STK32B: variants seen among roughly 807,000 people sequenced by gnomAD.
STK32B encodes the protein serine/threonine kinase 32B, also known as serine/threonine-protein kinase 32B.
Under a neutral mutation model 52.6 loss-of-function variants are expected in STK32B, and 43 were observed. The ratio of observed to expected loss-of-function variants is 0.82; its 90% CI spans 0.64 to 1.05. The LOEUF (loss-of-function observed/expected upper bound fraction) is 1.05. STK32B is among the 50% of genes least tolerant of loss of function. The pLI, the probability that STK32B is intolerant of heterozygous loss-of-function variation, is 0.00. For synonymous variants in STK32B, 238 were observed against 204.3 expected, an observed-to-expected ratio of 1.17 and a Z score of -1.41; for missense variants, 621 against 534.6, an observed-to-expected ratio of 1.16 and a Z score of -1.59.
intron 3 of STK32B, among the ~76,000 whole-genome samples, chr4:5,230,988 C>G (rs1286096797): frequency 2.0e-5 from 3 of 152,216 alleles, no homozygotes; most frequent in Non-Finnish European, 4.4e-5. Flanking sequence ...CTTCTGCAGA[C>G]AGTGACAAGG....
intron 2 of STK32B, among the ~76,000 whole-genome samples, chr4:5,143,203 A>G (rs16836711): frequency 0.065 from 9,927 of 152,202 alleles, 1,099 homozygotes; most frequent in African/African-American, 0.22. Context: ...ACATGGCACA[A>G]TAGTGGGACA....
chr4:5,331,190 C>A, intron 3 of STK32B, 30 bp from the exon 4 acceptor site: 1 of 1,584,336 alleles, frequency 6.3e-7, no homozygotes. Context: ...GCCTCCACCC[C>A]TAATCTTCTC....
intron 3 of STK32B, among the ~76,000 whole-genome samples, chr4:5,186,712 A>G (rs1720766057): frequency 6.6e-6 from 1 of 152,128 alleles, no homozygotes; most frequent in South Asian, 2.1e-4. Context: ...ATCAGTCTCC[A>G]GCGCCTCCTC....
rs112791339 is a variant in STK32B at position 5,182,284 on chromosome 4, A to G, written c.260+13834A>G. 2.4e-3 allele frequency among the ~76,000 whole-genome samples: 367 copies of G among 152,154 alleles called. 1 individual carries two copies. Among genetic ancestry groups the G allele is most frequent in the Middle Eastern group, 0.024 (7 of 294 alleles). On this transcript the variant is annotated intron_variant, in intron 3 of 11. Coordinates refer to ENST00000282908, the MANE Select transcript of STK32B (RefSeq NM_018401.3). ...CAAAGTCACCCCTGAAGGTTGAGTA[A>G]ATTTCTTCTAAACTCCTGTTAATGG...
At chr4:5,131,983 AG>A (rs749560213) in intron 1 of STK32B, among the ~76,000 whole-genome samples, 29 of 152,210 alleles carry the variant, frequency 1.9e-4, no homozygotes, top group Non-Finnish European at 4.1e-4. Context: ...TGGATTGTAC[AG>A]GTAGCCTTTA....
intron 3 of STK32B, among the ~76,000 whole-genome samples, chr4:5,176,627 A>G (rs1415975302): frequency 6.6e-6 from 1 of 151,930 alleles, no homozygotes; most frequent in African/African-American, 2.4e-5. Context: ...TGTTCTTAGT[A>G]AAGACAGGAT....
chr4:5,495,693 C>T (rs1402273143), intron 11 of STK32B, among the ~76,000 whole-genome samples: 3 of 152,074 alleles, frequency 2.0e-5, no homozygotes, highest in Non-Finnish European at 4.4e-5. Context: ...TGTTTTTTCC[C>T]CATCTTTGTG....
intron 1 of STK32B, among the ~76,000 whole-genome samples, chr4:5,100,382 C>G (rs1713662451): frequency 8.0e-6 from 1 of 124,960 alleles, no homozygotes; most frequent in Non-Finnish European, 1.6e-5. Context: ...TTGCCTTCTT[C>G]TTCCTTCCTT....
In STK32B at chr4:5,340,649, C is replaced by CAG. The variant is rs1484649829; in HGVS notation, c.434+9259_434+9260dup. Among the ~76,000 whole-genome samples the CAG allele has an allele frequency of 7.2e-5, 11 of 152,244 alleles. No homozygotes were observed. The South Asian group carries it at 2.3e-3, about 32-fold the overall frequency. The stretch of plus-strand genomic sequence containing the variant: ...AGGCAGGATTCCTTGGCTAGGTATC[C>CAG]AGAGTATACAAAACTAAATAAATAA... On this transcript the variant is annotated intron_variant, in intron 4 of 11. Coordinates refer to ENST00000282908, the MANE Select transcript of STK32B (RefSeq NM_018401.3).
intron 3 of STK32B, among the ~76,000 whole-genome samples, chr4:5,285,138 C>T (rs1728464485): frequency 6.6e-6 from 1 of 152,138 alleles, no homozygotes; most frequent in Admixed American, 6.5e-5. Flanking sequence ...TGTAAGATTA[C>T]AGTACATAAT....
Position 5,317,177 on chromosome 4 carries a change from A to ATATT in STK32B, c.261-14043_261-14042insTATT, listed in dbSNP as rs1553871612. ...TACATATTACATATATATAACATAT[A>ATATT]ATATATATATATAACATATATATAT... is the stretch of plus-strand genomic sequence containing the variant. On this transcript the variant is annotated intron_variant, in intron 3 of 11. Coordinates refer to ENST00000282908, the MANE Select transcript of STK32B (RefSeq NM_018401.3). Among the ~76,000 whole-genome samples, 35 of 46,532 alleles carry ATATT rather than the reference A, an allele frequency of 7.5e-4. 4 individuals carry two copies. In the African/African-American group the frequency reaches 8.6e-3, roughly 11 times the overall value. 30.5% of individuals were successfully genotyped at this position (46,532 alleles called of 152,430 possible).
At chr4:5,412,485 C>T (rs1445666441) in intron 5 of STK32B, among the ~76,000 whole-genome samples, 1 of 152,162 alleles carries the variant, frequency 6.6e-6, no homozygotes, top group East Asian at 1.9e-4. Flanking sequence ...TGGGTGGAAG[C>T]AGCATGTCTG....
At chr4:5,432,595 G>A (rs1296547180) in intron 6 of STK32B, among the ~76,000 whole-genome samples, 1 of 148,206 alleles carries the variant, frequency 6.7e-6, no homozygotes, top group Non-Finnish European at 1.5e-5. Context: ...GAAAAGCAGG[G>A]TAAAGTCATT....
intron 3 of STK32B, among the ~76,000 whole-genome samples, chr4:5,269,903 A>G (rs75741577): frequency 9.6e-6 from 1 of 104,326 alleles, no homozygotes; most frequent in Admixed American, 8.4e-5. Flanking sequence ...TTCAACAATA[A>G]TAAAAGAATA....
intron 1 of STK32B, among the ~76,000 whole-genome samples, chr4:5,094,298 A>G (rs932257013): frequency 6.6e-6 from 1 of 152,202 alleles, no homozygotes; most frequent in African/African-American, 2.4e-5. Flanking sequence ...TAAAAATGTC[A>G]AGTTAACAGA....
chr4:5,313,107 GTTTT>G (rs1730418967), intron 3 of STK32B, among the ~76,000 whole-genome samples: 1 of 143,444 alleles, frequency 7.0e-6, no homozygotes, highest in African/African-American at 2.8e-5. Context: ...AGTAATTGTG[GTTTT>G]TAAAAACCAC....
At chr4:5,110,347 G>T (rs530165591) in intron 1 of STK32B, among the ~76,000 whole-genome samples, 1 of 150,374 alleles carries the variant, frequency 6.7e-6, no homozygotes, top group Non-Finnish European at 1.5e-5. Flanking sequence ...ACATCACATT[G>T]CTTGATTTCA....
intron 1 of STK32B, among the ~76,000 whole-genome samples, chr4:5,072,800 T>C (rs1450931745): frequency 6.6e-6 from 1 of 152,152 alleles, no homozygotes; most frequent in African/African-American, 2.4e-5. Context: ...AGATAATTAC[T>C]GAGAAAAAAG....
chr4:5,050,067 C>T (rs1209530940), upstream of STK32B, among the ~76,000 whole-genome samples: 1 of 152,150 alleles, frequency 6.6e-6, no homozygotes, highest in Non-Finnish European at 1.5e-5. Flanking sequence ...AGAGCCCATG[C>T]CTGTCCACAT....
Sources: allele counts gnomAD v4.1 joint callset (sites outside exome capture counted in the v4.1 genomes callset), GRCh38; gene constraint gnomAD v4.1.1; transcripts MANE v1.5; gene names NCBI Gene and HGNC (gene_info 2026-07-23, HGNC 2026-07-21).